The following IGF1R variants were observed in gnomAD, a reference collection of about 807,000 sequenced individuals.
IGF1R encodes insulin-like growth factor 1 receptor.
IGF1R carries 44 observed loss-of-function variants against 144.6 expected under a neutral mutation model. The ratio of observed to expected loss-of-function variants is 0.30; its 90% confidence interval spans 0.24 to 0.39. The LOEUF (loss-of-function observed/expected upper bound fraction) is 0.39, where lower values mean the gene tolerates loss of function less well. Among genes scored for constraint, IGF1R ranks in the 10% least tolerant of loss-of-function variants. The pLI is 1.00. For synonymous variants in IGF1R, 795 were observed against 722.8 expected (o/e 1.10, Z -1.60); for missense variants, 1,355 against 1,833.7 (o/e 0.74, Z 4.77).
chr15:98,939,444 A>C (rs1317578461), intron 18 of IGF1R, 84 bp downstream of exon 18: 1 of 1,327,804 alleles, frequency 7.5e-7, no homozygotes, highest in Non-Finnish European at 1.1e-6. Context: ...GCCCCTGGAG[A>C]GGTTTTCTAG....
At chr15:98,736,654 C>G (rs533663816) in intron 2 of IGF1R, among the ~76,000 whole-genome samples, 1 of 148,478 alleles carries the variant, frequency 6.7e-6, no homozygotes, top group East Asian at 2.0e-4. Context: ...CTTTATTGTC[C>G]AGGCTGGAGT....
chr15:98,775,559 T>G (rs2055691346), intron 2 of IGF1R, among the ~76,000 whole-genome samples: 1 of 152,164 alleles, frequency 6.6e-6, no homozygotes, highest in Non-Finnish European at 1.5e-5. Context: ...CTGGGATGTG[T>G]CCCAAGCCCC....
At chr15:98,857,575 A>G (rs2011898449) in intron 2 of IGF1R, among the ~76,000 whole-genome samples, 1 of 152,206 alleles carries the variant, frequency 6.6e-6, no homozygotes, top group Admixed American at 6.5e-5. Flanking sequence ...TCTTCCATCT[A>G]GTCTAGCACC....
chr15:98,651,746 C>T (rs1462095338), intron 1 of IGF1R, among the ~76,000 whole-genome samples: 1 of 152,088 alleles, frequency 6.6e-6, no homozygotes, highest in Admixed American at 6.5e-5. Context: ...TCCATGATAC[C>T]AAAGCTTCCC....
Position 98,957,601 on chromosome 15 carries a change from A to G in IGF1R, c.*159A>G, listed in dbSNP as rs900148458. ...CGCGGGAGACAGCTTCTCTGCAGTA[A>G]AACACATTTGGGATGTTCCTTTTTT... is the stretch of plus-strand genomic sequence containing the variant. On this transcript the variant is annotated 3_prime_UTR_variant, in exon 21 of 21. Coordinates refer to ENST00000650285, the MANE Select transcript of IGF1R (RefSeq NM_000875.5). 3 of 843,858 alleles carry G rather than the reference A, an allele frequency of 3.6e-6. No homozygotes were observed. The highest frequency in any genetic ancestry group is 2.2e-5 in the Admixed American group (1 of 44,748). 52.3% of individuals were successfully genotyped at this position (843,858 alleles called of 1,614,324 possible). A position where few individuals can be genotyped will look rare whatever the true frequency, so the allele number is the denominator to read the frequency against.
At chr15:98,925,435 T>G (rs149459719) in intron 13 of IGF1R, among the ~76,000 whole-genome samples, 48 of 152,318 alleles carry the variant, frequency 3.2e-4, no homozygotes, top group African/African-American at 1.1e-3. Flanking sequence ...GTTTCTGTTA[T>G]TTCTTATTTC....
rs566968441 is a variant in IGF1R at position 98,876,759 on chromosome 15, C to T, written c.641-14566C>T. ...GGTGGGAGTGTTCTTTGGTACAGTT[C>T]CCCCAAAAAACTGGTTCTCATGAGG... On this transcript the variant is annotated intron_variant, in intron 2 of 20. Coordinates refer to ENST00000650285, the MANE Select transcript of IGF1R (RefSeq NM_000875.5). Among the ~76,000 whole-genome samples, 9 of 152,100 alleles carry T rather than the reference C, an allele frequency of 5.9e-5. No homozygotes were observed. The South Asian group carries it at 1.7e-3, about 28-fold the overall frequency.
In IGF1R at chr15:98,961,148, G is replaced by C. The variant is rs369643317; in HGVS notation, c.*3706G>C. 8.6e-6 allele frequency: 2 copies of C among 233,568 alleles called. No homozygotes were observed. The highest frequency in any genetic ancestry group is 1.2e-4 in the East Asian group (2 of 16,554). The allele number at this position is 233,568 out of a possible 1,614,324, so 14.5% of individuals were successfully genotyped here. A position where few individuals can be genotyped will look rare whatever the true frequency, so the allele number is the denominator to read the frequency against. ...GGACCCCGGGGATCTTAAGGTCATT[G>C]AGAAATACTGTTGGATCAGGGTTTT... On this transcript the variant is annotated 3_prime_UTR_variant, in exon 21 of 21. Coordinates refer to ENST00000650285, the MANE Select transcript of IGF1R (RefSeq NM_000875.5).
chr15:98,923,594 G>C (rs1206829078), intron 11 of IGF1R, among the ~76,000 whole-genome samples: 1 of 152,210 alleles, frequency 6.6e-6, no homozygotes, highest in African/African-American at 2.4e-5. Flanking sequence ...TTTTGTTGAG[G>C]GACTGGGGAG....
chr15:98,891,683 C>T lies in IGF1R; in HGVS notation c.953+46C>T, dbSNP rs56385625. The T allele has an allele frequency of 2.8e-4, 431 of 1,564,392 alleles. 2 individuals are homozygous for T. The highest frequency in any genetic ancestry group is 1.4e-3 in the African/African-American group (103 of 74,350). On this transcript the variant is annotated intron_variant, in intron 3 of 20. Coordinates refer to ENST00000650285, the MANE Select transcript of IGF1R (RefSeq NM_000875.5). The surrounding 1 kb of genome is among the most constrained non-coding windows in gnomAD (Gnocchi z 4.7). Reference sequence around the variant, plus strand: ...TGGTCACTACCCGCCCCACCTCACCCGCCACCCTAGCACACAAAGGTAGAC... The same window carrying T: ...TGGTCACTACCCGCCCCACCTCACCTGCCACCCTAGCACACAAAGGTAGAC...
chr15:98,678,338 C>A (rs2053099756), intron 1 of IGF1R, among the ~76,000 whole-genome samples: 1 of 152,000 alleles, frequency 6.6e-6, no homozygotes, highest in African/African-American at 2.4e-5. Flanking sequence ...TAGATGAGTT[C>A]TTTTCCAGAT....
intron 1 of IGF1R, among the ~76,000 whole-genome samples, chr15:98,676,234 G>A (rs1433747255): frequency 5.9e-5 from 9 of 151,690 alleles, no homozygotes; most frequent in Admixed American, 3.9e-4. Flanking sequence ...TCCACCTCCC[G>A]GGTTCAAGCA....
chr15:98,908,578 A>G, intron 5 of IGF1R, 107 bp from the exon 6 acceptor site: 4 of 766,484 alleles, frequency 5.2e-6, no homozygotes, highest in Non-Finnish European at 9.2e-6. Context: ...GGCAAAGGAA[A>G]TGTATTGTGG....
chr15:98,741,866 A>C (rs1056062147), intron 2 of IGF1R, among the ~76,000 whole-genome samples: 3 of 152,148 alleles, frequency 2.0e-5, no homozygotes, highest in Non-Finnish European at 4.4e-5. Context: ...AACTGTAGGC[A>C]GTTGTATGTC....
At chr15:98,909,796 A>G (rs761073440) in intron 6 of IGF1R, among the ~76,000 whole-genome samples, 4 of 152,220 alleles carry the variant, frequency 2.6e-5, no homozygotes, top group Non-Finnish European at 4.4e-5. Context: ...ATTGAGAACA[A>G]TATAATTACA....
At chr15:98,823,212 T>C (rs980100373) in intron 2 of IGF1R, among the ~76,000 whole-genome samples, 1 of 152,244 alleles carries the variant, frequency 6.6e-6, no homozygotes, top group Non-Finnish European at 1.5e-5. Context: ...TCCTCTCTCT[T>C]TCTGTTTGAA....
In IGF1R at chr15:98,891,293, G is replaced by C. The variant is rs1393317939; in HGVS notation, c.641-32G>C. 6.3e-7 allele frequency: 1 copy of C among 1,599,482 alleles called. No homozygotes were observed. The highest frequency in any genetic ancestry group is 1.7e-5 in the Admixed American group (1 of 59,910). ...GAGAAGGCGGTGCCTCCCCTGCCCG[G>C]TCTCATCTCCGTCTCTCCTCTCTCT... On this transcript the variant is annotated intron_variant, in intron 2 of 20. Transcript: ENST00000650285. The surrounding 1 kb of genome is among the most constrained non-coding windows in gnomAD (Gnocchi z 4.7).
intron 2 of IGF1R, among the ~76,000 whole-genome samples, chr15:98,728,809 T>G (rs2054428081): frequency 6.6e-6 from 1 of 152,238 alleles, no homozygotes; most frequent in Non-Finnish European, 1.5e-5. Flanking sequence ...AGCCAGCACC[T>G]TTATCCTATG....
chr15:98,651,466 T>C (rs1271684142), intron 1 of IGF1R, among the ~76,000 whole-genome samples: 3 of 152,226 alleles, frequency 2.0e-5, no homozygotes, highest in Non-Finnish European at 4.4e-5. Flanking sequence ...GTTTTTATCT[T>C]TAAAAGATAA....
Sources: allele counts gnomAD v4.1 joint callset (sites outside exome capture counted in the v4.1 genomes callset), GRCh38; gene constraint gnomAD v4.1.1; non-coding constraint Gnocchi (gnomAD v3.1); transcripts MANE v1.5; gene names NCBI Gene and HGNC (gene_info 2026-07-23, HGNC 2026-07-21).